The following REEP1 variants were observed in gnomAD, a reference collection of about 807,000 sequenced individuals.
REEP1 encodes the protein receptor accessory protein 1, also known as receptor expression-enhancing protein 1.
REEP1 carries 22 observed loss-of-function variants against 40.3 expected under a neutral mutation model. The observed-to-expected ratio is 0.55, with a 90% CI of 0.39 to 0.78. The LOEUF (loss-of-function observed/expected upper bound fraction) is 0.78. REEP1 is among the 30% of genes least tolerant of loss of function. The pLI, the probability that REEP1 is intolerant of heterozygous loss-of-function variation, is 0.00. For missense variants in REEP1, 280 were observed against 361.1 expected (o/e 0.78, Z 1.82); for synonymous variants, 116 against 139.2 (o/e 0.83, Z 1.17).
chr2:86,269,251 C>T (rs1677309705), intron 2 of REEP1, among the ~76,000 whole-genome samples: 1 of 152,060 alleles, frequency 6.6e-6, no homozygotes, highest in Non-Finnish European at 1.5e-5. Context: ...GAAGTGTTGC[C>T]CAATTCTAGG....
At chr2:86,319,394 C>T (rs532428789) in intron 1 of REEP1, among the ~76,000 whole-genome samples, 1 of 152,104 alleles carries the variant, frequency 6.6e-6, no homozygotes, top group Admixed American at 6.5e-5. Flanking sequence ...AGTCCTAAAC[C>T]CCAATAACTG....
intron 7 of REEP1, among the ~76,000 whole-genome samples, chr2:86,220,512 TCTC>T (rs1674359329): frequency 6.6e-6 from 1 of 152,130 alleles, no homozygotes; most frequent in African/African-American, 2.4e-5. Flanking sequence ...AGGGAAAGAA[TCTC>T]CTCTAGAGAG....
At chr2:86,256,532 G>A (rs1676572995) in intron 3 of REEP1, among the ~76,000 whole-genome samples, 1 of 151,934 alleles carries the variant, frequency 6.6e-6, no homozygotes, top group Non-Finnish European at 1.5e-5. Context: ...ATACCCCAGA[G>A]CCTACTGAGA....
intron 1 of REEP1, among the ~76,000 whole-genome samples, chr2:86,334,567 G>A (rs917463216): frequency 1.3e-5 from 2 of 152,140 alleles, no homozygotes; most frequent in Non-Finnish European, 2.9e-5. Flanking sequence ...TATTTCCTCT[G>A]CAGTTTTACA....
chr2:86,281,847 C>T (rs1678112534), intron 2 of REEP1, among the ~76,000 whole-genome samples: 1 of 152,150 alleles, frequency 6.6e-6, no homozygotes. Context: ...TTAAGGTCTA[C>T]AGAGTGTTTT....
At chr2:86,276,586 G>A (rs1461368884) in intron 2 of REEP1, among the ~76,000 whole-genome samples, 3 of 152,186 alleles carry the variant, frequency 2.0e-5, no homozygotes, top group South Asian at 2.1e-4. Flanking sequence ...GGAGGGTTCC[G>A]AAAGCAACCA....
chr2:86,306,988 T>C (rs1316984672), intron 1 of REEP1, among the ~76,000 whole-genome samples: 7 of 151,866 alleles, frequency 4.6e-5, no homozygotes, highest in Non-Finnish European at 8.8e-5. Flanking sequence ...GCGGATCACC[T>C]GAGATCAGGA....
At chr2:86,279,537 G>A (rs1253694253) in intron 2 of REEP1, among the ~76,000 whole-genome samples, 1 of 152,206 alleles carries the variant, frequency 6.6e-6, no homozygotes, top group Non-Finnish European at 1.5e-5. Flanking sequence ...TGGCAAATGG[G>A]ACTGTGTAGC....
chr2:86,335,335 G>A (rs1428685777), intron 1 of REEP1, among the ~76,000 whole-genome samples: 2 of 151,786 alleles, frequency 1.3e-5, no homozygotes, highest in African/African-American at 4.9e-5. Context: ...AGGGAATTAG[G>A]GACTGGGGGA....
chr2:86,227,819 G>A (rs1357145275), intron 6 of REEP1, among the ~76,000 whole-genome samples: 1 of 151,838 alleles, frequency 6.6e-6, no homozygotes, highest in African/African-American at 2.4e-5. Flanking sequence ...GGCCTAACTG[G>A]CTGCTGCCTT....
At chr2:86,246,708 C>CTTT (rs5832675) in intron 5 of REEP1, among the ~76,000 whole-genome samples, 1 of 139,630 alleles carries the variant, frequency 7.2e-6, no homozygotes. Context: ...TTTCTTTTTT[C>CTTT]TTTTTTTTTT....
chr2:86,308,360 G>A (rs1234057525), intron 1 of REEP1, among the ~76,000 whole-genome samples: 1 of 146,588 alleles, frequency 6.8e-6, no homozygotes, highest in African/African-American at 2.5e-5. Context: ...TAGGCAACAT[G>A]GTGAAACTCC....
chr2:86,239,819 A>T (rs1025717714), intron 5 of REEP1: 3 of 152,252 alleles, frequency 2.0e-5, no homozygotes, highest in African/African-American at 7.2e-5. Context: ...AATTCACACC[A>T]TAAGAGTCTC....
chr2:86,245,131 T>C (rs1675864924), intron 5 of REEP1, among the ~76,000 whole-genome samples: 1 of 151,024 alleles, frequency 6.6e-6, no homozygotes, highest in African/African-American at 2.4e-5. Context: ...TGGGCAAGAG[T>C]GAGACACCGT....
At chr2:86,264,077 G>A (rs747681878) in intron 2 of REEP1, 36 bp from the exon 3 acceptor site, 6 of 1,548,750 alleles carry the variant, frequency 3.9e-6, no homozygotes, top group Non-Finnish European at 5.4e-6. Flanking sequence ...TGGTAGAAAA[G>A]GTCCAGGAAA....
rs1191260583 is a variant in REEP1 at position 86,273,282 on chromosome 2, C to CTT, written c.105+8886_105+8887dup. 1.7e-3 allele frequency among the ~76,000 whole-genome samples: 234 copies of CTT among 138,798 alleles called. 9 individuals are homozygous for CTT. The East Asian group carries it at 0.023, about 13-fold the overall frequency. The allele number at this position is 138,798 out of a possible 152,430, so 91.1% of individuals were successfully genotyped here. On this transcript the variant is annotated intron_variant, in intron 2 of 8. Coordinates refer to ENST00000538924, the MANE Select transcript of REEP1 (RefSeq NM_001371279.1). ...AGGCCTAGCATGAACTGGCCCCTAC[C>CTT]TTTTTTTTTTTTTTTTTGAGGGGGA... is the stretch of plus-strand genomic sequence containing the variant.
intron 1 of REEP1, chr2:86,297,534 A>T: frequency 5.7e-6 from 1 of 174,896 alleles, no homozygotes; most frequent in Non-Finnish European, 1.1e-5. Flanking sequence ...TCATTTACCC[A>T]GTCCTGGGGT....
chr2:86,239,349 G>C (rs1172156984), intron 5 of REEP1, among the ~76,000 whole-genome samples: 1 of 152,014 alleles, frequency 6.6e-6, no homozygotes, highest in Non-Finnish European at 1.5e-5. Flanking sequence ...TTTCCAGAGG[G>C]ACACACCAAG....
chr2:86,236,562 A>G (rs1443229598), intron 5 of REEP1, among the ~76,000 whole-genome samples: 1 of 152,164 alleles, frequency 6.6e-6, no homozygotes, highest in Admixed American at 6.5e-5. Context: ...CTGCAATCCC[A>G]GCACTTTGGA....
Sources: allele counts gnomAD v4.1 joint callset (sites outside exome capture counted in the v4.1 genomes callset), GRCh38; gene constraint gnomAD v4.1.1; transcripts MANE v1.5; gene names NCBI Gene and HGNC (gene_info 2026-07-23, HGNC 2026-07-21).